The following DEF6 variants were observed in gnomAD, a reference collection of about 807,000 sequenced individuals.
DEF6 encodes DEF6 guanine nucleotide exchange factor.
In DEF6, 32 loss-of-function variants were observed where a neutral mutation model predicts 80.5. The ratio of observed to expected loss-of-function variants is 0.40; its 90% CI spans 0.30 to 0.53. DEF6 has a LOEUF of 0.53. DEF6 is among the 20% of genes least tolerant of loss of function. The pLI is 0.57. For missense variants in DEF6, 575 were observed against 818.7 expected (o/e 0.70, Z 3.63); for synonymous variants, 300 against 337.9 (o/e 0.89, Z 1.23).
chr6:35,304,401 G>T (rs1279362182), intron 1 of DEF6, among the ~76,000 whole-genome samples: 1 of 152,214 alleles, frequency 6.6e-6, no homozygotes, highest in Non-Finnish European at 1.5e-5. Context: ...AGTAAAAACA[G>T]GGAGGAGGAA....
At chr6:35,299,381 G>A (rs756829416) in intron 1 of DEF6, among the ~76,000 whole-genome samples, 8 of 145,914 alleles carry the variant, frequency 5.5e-5, no homozygotes, top group Admixed American at 2.0e-4. Context: ...ACCAGCCCCC[G>A]TGGCTTTTTG....
Position 35,313,701 on chromosome 6 carries a change from G to A in DEF6, c.807+929G>A, listed in dbSNP as rs118066334. 5.2e-4 allele frequency among the ~76,000 whole-genome samples: 79 copies of A among 152,270 alleles called. 2 individuals are homozygous for A. The East Asian group carries it at 0.011, about 22-fold the overall frequency. On this transcript the variant is annotated intron_variant, in intron 5 of 10. Coordinates refer to ENST00000316637, the MANE Select transcript of DEF6 (RefSeq NM_022047.4). ...CTCCCACATGTAAGTGAGAACATGCGATAGTTGTTTTTCTGTGTTTGGCTT... is the reference window on the plus strand; with the variant it reads ...CTCCCACATGTAAGTGAGAACATGCAATAGTTGTTTTTCTGTGTTTGGCTT...
intron 1 of DEF6, among the ~76,000 whole-genome samples, chr6:35,300,850 C>T (rs1791304991): frequency 6.6e-6 from 1 of 152,170 alleles, no homozygotes; most frequent in Non-Finnish European, 1.5e-5. Context: ...ACTGAACACA[C>T]CCTCTTACCC....
rs1164196773 is a variant in DEF6, at chr6:35,318,416, G to A, written c.1160G>A (p.Ser387Asn). 2 of 1,519,766 alleles carry A rather than the reference G, an allele frequency of 1.3e-6. No homozygotes were observed. Among genetic ancestry groups the A allele is most frequent in the African/African-American group, 2.8e-5 (2 of 71,374 alleles). 94.1% of individuals were successfully genotyped at this position (1,519,766 alleles called of 1,614,324 possible). Residue 387 changes from serine to asparagine, a missense_variant, in exon 7 of 11, where the codon AGC becomes AAC. Coordinates refer to ENST00000316637, the MANE Select transcript of DEF6 (RefSeq NM_022047.4). This position sits in a 1 kb window ranked among gnomAD's most constrained non-coding sequence, Gnocchi z 5.1. ...LLQEEEERRR[S>N]QHRELQQALE... ...CAGGAGGAGGAGGAACGGCGCCGCA[G>A]CCAGCACCGCGAGCTGCAGCAGGCG... is the stretch of plus-strand genomic sequence containing the variant.
Position 35,312,542 on chromosome 6 carries a change from A to G in DEF6, c.660+4A>G. Reference sequence around the variant, plus strand: ...CATCCAAGATGTCCTGAAGCAGGTCAGGCAAGCTGGGAACTAGGGGAAGCA... The same window carrying G: ...CATCCAAGATGTCCTGAAGCAGGTCGGGCAAGCTGGGAACTAGGGGAAGCA... On this transcript the variant is annotated splice_donor_region_variant and intron_variant, in intron 4 of 10. Transcript: ENST00000316637. This position sits in a 1 kb window ranked among gnomAD's most constrained non-coding sequence, Gnocchi z 6.6. 1.2e-6 allele frequency: 2 copies of G among 1,614,070 alleles called. No individual in the cohort carries two copies. Among genetic ancestry groups the G allele is most frequent in the Non-Finnish European group, 1.7e-6 (2 of 1,179,954 alleles).
rs1292014121 is a variant in DEF6 at position 35,312,285 on chromosome 6, T to G, written c.424-17T>G. On this transcript the variant is annotated splice_polypyrimidine_tract_variant and intron_variant, in intron 3 of 10. Transcript: ENST00000316637. This position sits in a 1 kb window ranked among gnomAD's most constrained non-coding sequence, Gnocchi z 6.6. ...ACCACCTGCTGCAGCTACCAGGCCT[T>G]CCTTCTCCTGCTCCAGGTGGAATAC... 6.2e-7 allele frequency: 1 copy of G among 1,609,818 alleles called. No individual in the cohort carries two copies. The highest frequency in any genetic ancestry group is 1.7e-5 in the Admixed American group (1 of 59,928).
At chr6:35,298,787 G>A (rs1562145435) in intron 1 of DEF6, among the ~76,000 whole-genome samples, 1 of 152,272 alleles carries the variant, frequency 6.6e-6, no homozygotes, top group Non-Finnish European at 1.5e-5. Context: ...GGGGAAAGGA[G>A]CAAGGTAGGC....
Position 35,312,872 on chromosome 6 carries a change from C to A in DEF6, c.807+100C>A, listed in dbSNP as rs772086122. 12 of 1,365,462 alleles carry A rather than the reference C, an allele frequency of 8.8e-6. No homozygotes were observed. The highest frequency in any genetic ancestry group is 1.2e-5 in the Non-Finnish European group (12 of 1,000,072). The allele number at this position is 1,365,462 out of a possible 1,614,324, so 84.6% of individuals were successfully genotyped here. A position where few individuals can be genotyped will look rare whatever the true frequency, so the allele number is the denominator to read the frequency against. On this transcript the variant is annotated intron_variant, in intron 5 of 10. Coordinates refer to ENST00000316637, the MANE Select transcript of DEF6 (RefSeq NM_022047.4). This position sits in a 1 kb window ranked among gnomAD's most constrained non-coding sequence, Gnocchi z 6.6. ...CAGGAGAGGGGCAAATGGAGAAAAG[C>A]CACAGTGACACAAATTCCTGCTTAG...
At chr6:35,301,772 G>A (rs1188247634) in intron 1 of DEF6, among the ~76,000 whole-genome samples, 2 of 136,338 alleles carry the variant, frequency 1.5e-5, no homozygotes, top group Non-Finnish European at 3.1e-5. Flanking sequence ...TGTCACCCAG[G>A]TTGGAGTATA....
chr6:35,300,310 A>C (rs1044590846), intron 1 of DEF6, among the ~76,000 whole-genome samples: 1 of 152,096 alleles, frequency 6.6e-6, no homozygotes, highest in African/African-American at 2.4e-5. Flanking sequence ...TATAGTCTTG[A>C]GCCACCTCAC....
chr6:35,321,122 G>A (rs1206783018), intron 10 of DEF6, 65 bp from the exon 11 acceptor site: 7 of 1,583,640 alleles, frequency 4.4e-6, no homozygotes, highest in Admixed American at 3.4e-5. Flanking sequence ...GAGGGCTGAG[G>A]CAAGGCCCCT....
rs767668025 is a variant in DEF6 at position 35,297,828 on chromosome 6, C to A, written c.-29C>A. 1.9e-6 allele frequency: 3 copies of A among 1,555,878 alleles called. No individual in the cohort carries two copies. The African/African-American group carries it at 4.0e-5, about 21-fold the overall frequency. Reference sequence around the variant, plus strand: ...CTGAAACCGGATCTTAGTGTCAGAGCCGCCCCCAGCCGGGCGGGCGCCTCA... The same window carrying A: ...CTGAAACCGGATCTTAGTGTCAGAGACGCCCCCAGCCGGGCGGGCGCCTCA... On this transcript the variant is annotated 5_prime_UTR_variant, in exon 1 of 11. Coordinates refer to ENST00000316637, the MANE Select transcript of DEF6 (RefSeq NM_022047.4).
intron 9 of DEF6, among the ~76,000 whole-genome samples, chr6:35,320,644 A>G (rs1339330336): frequency 6.6e-6 from 1 of 152,234 alleles, no homozygotes; most frequent in Non-Finnish European, 1.5e-5. Flanking sequence ...TAGCTGCTCA[A>G]TAAACGGAAA....
intron 1 of DEF6, 118 bp downstream of exon 1, chr6:35,298,070 G>A (rs888104440): frequency 1.3e-5 from 12 of 929,542 alleles, no homozygotes; most frequent in South Asian, 2.9e-5. Context: ...CCAGCGTCCC[G>A]GGCCTGGGGT....
At chr6:35,302,631 C>T in intron 1 of DEF6, among the ~76,000 whole-genome samples, 1 of 152,174 alleles carries the variant, frequency 6.6e-6, no homozygotes, top group East Asian at 1.9e-4. Flanking sequence ...TCTCAAAGGT[C>T]AGTGACTGCC....
At position 35,302,384 on chromosome 6, in the gene DEF6, G is replaced by T. The variant is rs570573180; in HGVS notation, c.96+4432G>T. Among the ~76,000 whole-genome samples the T allele has an allele frequency of 1.6e-3, 245 of 152,110 alleles. 3 individuals are homozygous for T. Among genetic ancestry groups the T allele is most frequent in the African/African-American group, 5.2e-3 (215 of 41,500 alleles). On this transcript the variant is annotated intron_variant, in intron 1 of 10. Transcript: ENST00000316637. ...AAAAAAAAAAAGTCAATTTAGGAGAGAATTCTTTCTGAAATCATTGCTGGG... is the reference window on the plus strand; with the variant it reads ...AAAAAAAAAAAGTCAATTTAGGAGATAATTCTTTCTGAAATCATTGCTGGG...
Position 35,309,693 on chromosome 6 carries a change from G to C in DEF6, c.120G>C (p.Thr40=), listed in dbSNP as rs775779844. Residue 40 remains threonine, a synonymous_variant, in exon 2 of 11, where the codon ACG becomes ACC. Transcript: ENST00000316637. The part of the protein sequence containing the change: ...QLKVLSHNLY[T]VLHIPHDPVA... ...AGGTGCTGTCCCACAACCTGTACAC[G>C]GTCCTGCACATCCCCCATGACCCCG... 3 of 1,613,814 alleles carry C rather than the reference G, an allele frequency of 1.9e-6. No homozygotes were observed. The highest frequency in any genetic ancestry group is 1.7e-6 in the Non-Finnish European group (2 of 1,179,980).
intron 1 of DEF6, among the ~76,000 whole-genome samples, chr6:35,307,510 A>T (rs1361297500): frequency 6.6e-6 from 1 of 152,230 alleles, no homozygotes; most frequent in Non-Finnish European, 1.5e-5. Flanking sequence ...TGTTGGCATT[A>T]TTCTCTTGAG....
chr6:35,318,394 GA>G lies in DEF6; in HGVS notation c.1139del (p.Glu380GlyfsTer37). 6.5e-7 allele frequency: 1 copy of G among 1,532,578 alleles called. No homozygotes were observed. Among genetic ancestry groups the G allele is most frequent in the Non-Finnish European group, 8.7e-7 (1 of 1,144,068 alleles). 94.9% of individuals were successfully genotyped at this position (1,532,578 alleles called of 1,614,324 possible). A position where few individuals can be genotyped will look rare whatever the true frequency, so the allele number is the denominator to read the frequency against. On this transcript the variant is annotated frameshift_variant, in exon 7 of 11. Coordinates refer to ENST00000316637, the MANE Select transcript of DEF6 (RefSeq NM_022047.4). LOFTEE classifies it high-confidence loss of function. This position sits in a 1 kb window ranked among gnomAD's most constrained non-coding sequence, Gnocchi z 5.1. ...AQRQAERLLQ[E>X]EEERRRSQHR... ...GCGGCAGGCCGAGCGGCTGCTGCAG[GA>G]GGAGGAGGAACGGCGCCGCAGCCAG...
Sources: allele counts gnomAD v4.1 joint callset (sites outside exome capture counted in the v4.1 genomes callset), GRCh38; gene constraint gnomAD v4.1.1; non-coding constraint Gnocchi (gnomAD v3.1); transcripts MANE v1.5; gene names NCBI Gene and HGNC (gene_info 2026-07-23, HGNC 2026-07-21).